Variants in MRTFA observed in about 807,000 individuals in gnomAD.
MRTFA encodes myocardin related transcription factor A.
Under a neutral mutation model 83.5 loss-of-function variants are expected in MRTFA, and 20 were observed. The observed-to-expected ratio is 0.24, with a 90% CI of 0.17 to 0.35. The LOEUF (loss-of-function observed/expected upper bound fraction) is 0.35. Among genes scored for constraint, MRTFA ranks in the 10% least tolerant of loss-of-function variants. The pLI is 1.00. For missense variants in MRTFA, 1,200 were observed against 1,224.7 expected (o/e 0.98, Z 0.30); for synonymous variants, 659 against 541.2 (o/e 1.22, Z -3.02).
intron 3 of MRTFA, among the ~76,000 whole-genome samples, chr22:40,483,377 T>C: frequency 6.9e-6 from 1 of 144,558 alleles, no homozygotes; most frequent in African/African-American, 2.5e-5. Flanking sequence ...AAGTAATTTT[T>C]TTTTTTTTTT....
intron 2 of MRTFA, among the ~76,000 whole-genome samples, chr22:40,591,088 T>C (rs575497555): frequency 6.6e-6 from 1 of 152,186 alleles, no homozygotes; most frequent in South Asian, 2.1e-4. Flanking sequence ...TGAGCTGAGA[T>C]CGCGCCACTG....
intron 3 of MRTFA, among the ~76,000 whole-genome samples, chr22:40,513,339 G>A (rs775877859): frequency 4.9e-4 from 74 of 151,894 alleles, no homozygotes; most frequent in African/African-American, 1.1e-3. Flanking sequence ...GGTGGCTCAC[G>A]CCTGTAATCC....
rs139293340 is a variant in MRTFA at position 40,531,639 on chromosome 22, T to C, written c.241+20467A>G. On this transcript the variant is annotated intron_variant, in intron 3 of 14. Transcript: ENST00000355630. ...TATTCATATAGGTTAAAATATTCTATTGCTAGAAAACCTATGGCTCATGTT... is the reference window on the plus strand; with the variant it reads ...TATTCATATAGGTTAAAATATTCTACTGCTAGAAAACCTATGGCTCATGTT... Among the ~76,000 whole-genome samples the C allele has an allele frequency of 5.4e-3, 829 of 152,276 alleles. 4 individuals are homozygous for C. The highest frequency in any genetic ancestry group is 8.0e-3 in the Non-Finnish European group (541 of 68,034).
At chr22:40,540,439 T>G (rs1325215742) in intron 3 of MRTFA, among the ~76,000 whole-genome samples, 1 of 152,050 alleles carries the variant, frequency 6.6e-6, no homozygotes, top group Non-Finnish European at 1.5e-5. Context: ...TAACTACCCC[T>G]CCTTTAGGCT....
At chr22:40,447,713 G>A (rs967972921) in intron 4 of MRTFA, among the ~76,000 whole-genome samples, 2 of 152,330 alleles carry the variant, frequency 1.3e-5, no homozygotes, top group African/African-American at 2.4e-5. Flanking sequence ...CCTCCACAAT[G>A]TGTTAGAAAT....
intron 14 of MRTFA, chr22:40,412,663 TAG>T (rs1175050392): frequency 8.5e-5 from 13 of 152,156 alleles, no homozygotes; most frequent in African/African-American, 2.4e-4. Flanking sequence ...GTCAAAATCA[TAG>T]AGACAGAAAG....
chr22:40,464,309 GAAAAAAA>G (rs398040500), intron 3 of MRTFA, among the ~76,000 whole-genome samples: 17 of 56,274 alleles, frequency 3.0e-4, no homozygotes, highest in South Asian at 7.5e-4. Context: ...GCTGTCTCAG[GAAAAAAA>G]AAAAAAAAAA....
chr22:40,469,023 A>C (rs1216075215), intron 3 of MRTFA, among the ~76,000 whole-genome samples: 1 of 152,266 alleles, frequency 6.6e-6, no homozygotes, highest in Non-Finnish European at 1.5e-5. Flanking sequence ...AGGTACAACT[A>C]ATACTAGAGC....
chr22:40,535,149 A>G (rs753430122), intron 3 of MRTFA, among the ~76,000 whole-genome samples: 12 of 152,146 alleles, frequency 7.9e-5, no homozygotes, highest in Non-Finnish European at 1.5e-4. Flanking sequence ...GGGAAAGCAG[A>G]AGCATCTCAC....
chr22:40,457,482 GAA>G (rs2053614076), intron 4 of MRTFA, among the ~76,000 whole-genome samples: 2 of 133,660 alleles, frequency 1.5e-5, no homozygotes, highest in Non-Finnish European at 3.4e-5. Context: ...AAGAAAGAAA[GAA>G]AGAAGGAAAG....
chr22:40,506,742 T>C (rs2054586420), intron 3 of MRTFA, among the ~76,000 whole-genome samples: 1 of 152,290 alleles, frequency 6.6e-6, no homozygotes, highest in South Asian at 2.1e-4. Context: ...ATATACCATG[T>C]CTCTAAAACT....
intron 4 of MRTFA, among the ~76,000 whole-genome samples, chr22:40,452,247 G>A (rs964633265): frequency 2.6e-5 from 4 of 152,108 alleles, no homozygotes; most frequent in Non-Finnish European, 5.9e-5. Flanking sequence ...GCCTCCCCAA[G>A]TGCTGGGATT....
Position 40,502,499 on chromosome 22 carries a change from T to G in MRTFA, c.242-39213A>C, listed in dbSNP as rs1382904462. Among the ~76,000 whole-genome samples the G allele has an allele frequency of 1.4e-4, 19 of 132,526 alleles. 1 individual carries two copies. The highest frequency in any genetic ancestry group is 7.6e-4 in the South Asian group (3 of 3,928). 86.9% of individuals were successfully genotyped at this position (132,526 alleles called of 152,430 possible). On this transcript the variant is annotated intron_variant, in intron 3 of 14. Coordinates refer to ENST00000355630, the MANE Select transcript of MRTFA (RefSeq NM_020831.6). ...AGAGACGCTCCTCACTTCCTAGATGTGATGGCGGCTGCGCTCCTCACTTCC... is the reference window on the plus strand; with the variant it reads ...AGAGACGCTCCTCACTTCCTAGATGGGATGGCGGCTGCGCTCCTCACTTCC...
At chr22:40,542,415 C>G (rs1471951365) in intron 3 of MRTFA, among the ~76,000 whole-genome samples, 2 of 152,144 alleles carry the variant, frequency 1.3e-5, no homozygotes, top group Admixed American at 6.5e-5. Flanking sequence ...CATGAATTAG[C>G]TCATCTAACT....
intron 3 of MRTFA, among the ~76,000 whole-genome samples, chr22:40,514,879 G>A (rs1443054644): frequency 6.6e-6 from 1 of 150,400 alleles, no homozygotes; most frequent in Non-Finnish European, 1.5e-5. Context: ...AGAATGAAAT[G>A]GTTTCTCCTC....
At chr22:40,557,912 T>C (rs1344821864) in intron 2 of MRTFA, among the ~76,000 whole-genome samples, 1 of 152,136 alleles carries the variant, frequency 6.6e-6, no homozygotes, top group African/African-American at 2.4e-5. Flanking sequence ...TAACTGGGAA[T>C]ATAGGCATGC....
chr22:40,592,094 G>A (rs745568954), intron 2 of MRTFA, among the ~76,000 whole-genome samples: 5 of 152,052 alleles, frequency 3.3e-5, no homozygotes, highest in Admixed American at 1.3e-4. Flanking sequence ...AATTTCAAGA[G>A]AAAATTTAAA....
At chr22:40,634,987 T>C (rs1324406734) in intron 1 of MRTFA, among the ~76,000 whole-genome samples, 1 of 152,018 alleles carries the variant, frequency 6.6e-6, no homozygotes, top group Non-Finnish European at 1.5e-5. Context: ...TCTTAATAGT[T>C]ATTGGCCAAA....
chr22:40,533,807 G>A (rs752200497), intron 3 of MRTFA: 88 of 401,118 alleles, frequency 2.2e-4, no homozygotes, highest in Non-Finnish European at 3.4e-4. Context: ...CCCTTCAGGC[G>A]AGTCAAGATG....
Sources: allele counts gnomAD v4.1 joint callset (sites outside exome capture counted in the v4.1 genomes callset), GRCh38; gene constraint gnomAD v4.1.1; transcripts MANE v1.5; gene names NCBI Gene and HGNC (gene_info 2026-07-23, HGNC 2026-07-21).